The following OSBPL1A variants were observed in gnomAD, a reference collection of about 807,000 sequenced individuals.
OSBPL1A encodes oxysterol-binding protein-related protein 1.
Under a neutral mutation model 137.1 loss-of-function variants are expected in OSBPL1A, and 80 were observed. The observed-to-expected ratio is 0.58, with a 90% CI of 0.49 to 0.70. OSBPL1A has a LOEUF of 0.70. OSBPL1A is among the 30% of genes least tolerant of loss of function. The pLI, the probability that OSBPL1A is intolerant of heterozygous loss-of-function variation, is 0.00. For missense variants in OSBPL1A, 970 were observed against 1,129.4 expected, an observed-to-expected ratio of 0.86 and a Z score of 2.02; for synonymous variants, 365 against 389.7, an observed-to-expected ratio of 0.94 and a Z score of 0.75.
intron 24 of OSBPL1A, among the ~76,000 whole-genome samples, chr18:24,169,147 A>G (rs1006440930): frequency 2.2e-4 from 34 of 152,258 alleles, no homozygotes; most frequent in African/African-American, 8.0e-4. Flanking sequence ...AACTGTGCAC[A>G]CACAGCTAAA....
chr18:24,368,793 A>C (rs1905377515), intron 2 of OSBPL1A, among the ~76,000 whole-genome samples: 1 of 152,022 alleles, frequency 6.6e-6, no homozygotes, highest in African/African-American at 2.4e-5. Context: ...GCTCACAGCA[A>C]CTCTCTGTAC....
At position 24,333,095 on chromosome 18, in the gene OSBPL1A, T is replaced by A; in HGVS notation, c.481-9A>T. The A allele has an allele frequency of 6.2e-7, 1 of 1,611,286 alleles. No individual in the cohort carries two copies. Among genetic ancestry groups the A allele is most frequent in the Admixed American group, 1.7e-5 (1 of 59,464 alleles). On this transcript the variant is annotated splice_polypyrimidine_tract_variant and intron_variant, in intron 6 of 27. Transcript: ENST00000319481. ...GGATTGGGCCTGTTGAGCTAACAAT[T>A]AAAAAAATGCAATGCAGAATTATAT...
chr18:24,367,949 G>C (rs1190562779), intron 3 of OSBPL1A: 1 of 167,406 alleles, frequency 6.0e-6, no homozygotes, highest in Non-Finnish European at 1.3e-5. Flanking sequence ...TTTTATTTGT[G>C]TATTGACATT....
chr18:24,349,742 AC>A (rs67375654), intron 4 of OSBPL1A, among the ~76,000 whole-genome samples: 74,940 of 144,308 alleles, frequency 0.52, 19,377 homozygotes, highest in East Asian at 0.81. Context: ...AAAAAAAAAA[AC>A]AACAACAGTG....
intron 13 of OSBPL1A, 39 bp from the exon 14 acceptor site, chr18:24,303,757 A>T: frequency 6.6e-7 from 1 of 1,516,934 alleles, no homozygotes; most frequent in Non-Finnish European, 9.1e-7. Context: ...ACAAAGTAAT[A>T]AAAGATTTTA....
intron 15 of OSBPL1A, among the ~76,000 whole-genome samples, chr18:24,275,764 C>T (rs977727066): frequency 1.3e-5 from 2 of 151,360 alleles, no homozygotes; most frequent in South Asian, 2.1e-4. Flanking sequence ...AGTCTCACTC[C>T]GTTGCTCAGG....
At chr18:24,172,629 G>GTTA in intron 21 of OSBPL1A, 146 bp from the exon 22 acceptor site, 1 of 537,268 alleles carries the variant, frequency 1.9e-6, no homozygotes. Context: ...TTCTATTGAT[G>GTTA]TTAACTCACC....
At chr18:24,166,093 T>C (rs2086140256) in intron 26 of OSBPL1A, among the ~76,000 whole-genome samples, 1 of 152,092 alleles carries the variant, frequency 6.6e-6, no homozygotes, top group South Asian at 2.1e-4. Context: ...CAAGACTCTG[T>C]ATAAAAAAAG....
At chr18:24,217,134 T>C (rs186866264) in intron 17 of OSBPL1A, among the ~76,000 whole-genome samples, 1 of 152,286 alleles carries the variant, frequency 6.6e-6, no homozygotes, top group East Asian at 1.9e-4. Flanking sequence ...CTGTAATAGA[T>C]TTAAACAAAT....
At chr18:24,177,610 A>G (rs2086483427) in intron 21 of OSBPL1A, among the ~76,000 whole-genome samples, 2 of 151,910 alleles carry the variant, frequency 1.3e-5, no homozygotes, top group Admixed American at 1.3e-4. Flanking sequence ...AAAGAAGAGA[A>G]CTCCCAATTT....
At position 24,316,446 on chromosome 18, in the gene OSBPL1A, T is replaced by C. The variant is rs987241732; in HGVS notation, c.870+703A>G. On this transcript the variant is annotated intron_variant, in intron 11 of 27. Transcript: ENST00000319481. ...CAGAAAATAAATATAAAGATACATATAGGCTAAAAGCAAATGGATAGGAAA... is the reference window on the plus strand; with the variant it reads ...CAGAAAATAAATATAAAGATACATACAGGCTAAAAGCAAATGGATAGGAAA... 4.4e-4 allele frequency among the ~76,000 whole-genome samples: 67 copies of C among 152,070 alleles called. 1 individual carries two copies. Among genetic ancestry groups the C allele is most frequent in the African/African-American group, 1.5e-3 (61 of 41,476 alleles).
intron 15 of OSBPL1A, among the ~76,000 whole-genome samples, chr18:24,252,658 A>G (rs1382222499): frequency 1.3e-5 from 2 of 152,352 alleles, no homozygotes; most frequent in South Asian, 4.1e-4. Flanking sequence ...GGTAATAGTA[A>G]GCACACAGAA....
At chr18:24,371,554 ACCTCTC>A (rs1905639704) in intron 2 of OSBPL1A, among the ~76,000 whole-genome samples, 2 of 151,866 alleles carry the variant, frequency 1.3e-5, no homozygotes, top group African/African-American at 4.8e-5. Flanking sequence ...CCTGTCTTCA[ACCTCTC>A]CCCCTTTAGT....
At chr18:24,369,880 C>G (rs1480925680) in intron 2 of OSBPL1A, among the ~76,000 whole-genome samples, 2 of 152,264 alleles carry the variant, frequency 1.3e-5, no homozygotes, top group South Asian at 2.1e-4. Flanking sequence ...GGTCCCCCAT[C>G]CCCCCTGTCC....
chr18:24,191,631 A>C (rs1387099809), intron 18 of OSBPL1A, among the ~76,000 whole-genome samples: 2 of 152,252 alleles, frequency 1.3e-5, no homozygotes, highest in African/African-American at 4.8e-5. Context: ...TTTAGTACTA[A>C]AGTCTTATAG....
At chr18:24,254,317 T>G (rs77619559) in intron 15 of OSBPL1A, among the ~76,000 whole-genome samples, 40,088 of 152,064 alleles carry the variant, frequency 0.26, 6,511 homozygotes, top group Middle Eastern at 0.38. Flanking sequence ...CAAAGAAACA[T>G]CAGACTTAAT....
chr18:24,170,420 C>T lies in OSBPL1A; in HGVS notation c.2325G>A (p.Trp775Ter). The part of the protein sequence containing the change: ...KKKLCALYGK[W>*]TECLYSVDPA... ...GGTCAACACTGTATAAACATTCAGTCCACTTCCCATAGAGGGCACAGAGCT... is the reference window on the plus strand; with the variant it reads ...GGTCAACACTGTATAAACATTCAGTTCACTTCCCATAGAGGGCACAGAGCT... Residue 775 changes from tryptophan (W) to a stop codon, truncating the protein, a stop_gained, in exon 24 of 28, where the codon TGG (tryptophan) becomes TGA (stop). Transcript: ENST00000319481. LOFTEE classifies it high-confidence loss of function. 4 of 1,614,092 alleles carry T rather than the reference C, an allele frequency of 2.5e-6. No individual in the cohort carries two copies. Among genetic ancestry groups the T allele is most frequent in the Non-Finnish European group, 3.4e-6 (4 of 1,179,976 alleles).
At chr18:24,288,100 T>C (rs998084819) in intron 14 of OSBPL1A, among the ~76,000 whole-genome samples, 7 of 152,176 alleles carry the variant, frequency 4.6e-5, no homozygotes, top group Admixed American at 3.3e-4. Context: ...AGTGCTATGG[T>C]AGACAAAGTG....
intron 4 of OSBPL1A, among the ~76,000 whole-genome samples, chr18:24,352,559 A>T (rs2091460136): frequency 1.3e-5 from 2 of 152,070 alleles, no homozygotes; most frequent in African/African-American, 2.4e-5. Context: ...GAACTGGAAA[A>T]AACTACTTTA....
Sources: gnomAD v4.1 joint callset for allele counts (sites outside exome capture counted in the v4.1 genomes callset) on GRCh38, gnomAD v4.1.1 for gene constraint, MANE v1.5 for transcripts, NCBI Gene and HGNC (gene_info 2026-07-23, HGNC 2026-07-21) for gene names.